The following DPP10 variants were observed in gnomAD, a reference collection of about 807,000 sequenced individuals.
DPP10 encodes the protein dipeptidyl peptidase like 10.
Under a neutral mutation model 120.9 loss-of-function variants are expected in DPP10, and 33 were observed. The ratio of observed to expected loss-of-function variants is 0.27; its 90% CI spans 0.21 to 0.37. DPP10 has a LOEUF of 0.37. Among genes scored for constraint, DPP10 ranks in the 10% least tolerant of loss-of-function variants. The pLI, the probability that DPP10 is intolerant of heterozygous loss-of-function variation, is 1.00. For synonymous variants in DPP10, 337 were observed against 326.1 expected (o/e 1.03, Z -0.36); for missense variants, 816 against 942.8 (o/e 0.87, Z 1.76).
At chr2:115,833,143 A>G (rs1689103066) in intron 21 of DPP10, among the ~76,000 whole-genome samples, 1 of 152,208 alleles carries the variant, frequency 6.6e-6, no homozygotes, top group African/African-American at 2.4e-5. Flanking sequence ...AAACTGAGAT[A>G]AATAAAATAA....
chr2:114,465,512 G>A (rs1448595370), intron 1 of DPP10, among the ~76,000 whole-genome samples: 1 of 152,046 alleles, frequency 6.6e-6, no homozygotes, highest in African/African-American at 2.4e-5. Flanking sequence ...AGCACTTCCT[G>A]ATATCTAGAT....
intron 5 of DPP10, among the ~76,000 whole-genome samples, chr2:115,580,673 C>A (rs1167059604): frequency 1.3e-5 from 2 of 152,074 alleles, no homozygotes; most frequent in Non-Finnish European, 2.9e-5. Context: ...TAAATGAATT[C>A]TTGCATTTTC....
chr2:114,943,241 A>G (rs1697096205), intron 1 of DPP10, among the ~76,000 whole-genome samples: 1 of 151,956 alleles, frequency 6.6e-6, no homozygotes, highest in African/African-American at 2.4e-5. Context: ...ATCCGTTTTT[A>G]TGTCTGCATG....
chr2:115,765,163 T>C (rs182491483), intron 12 of DPP10, among the ~76,000 whole-genome samples: 73 of 152,234 alleles, frequency 4.8e-4, no homozygotes, highest in Non-Finnish European at 4.1e-4. Flanking sequence ...CAGCAAGGCA[T>C]ATGAGATTGT....
intron 5 of DPP10, among the ~76,000 whole-genome samples, chr2:115,663,524 T>C (rs1043052246): frequency 2.0e-5 from 3 of 152,192 alleles, no homozygotes; most frequent in African/African-American, 7.2e-5. Context: ...CTTATGTCCA[T>C]AGGCGAACTG....
intron 1 of DPP10, among the ~76,000 whole-genome samples, chr2:114,982,529 A>C (rs1166112087): frequency 6.6e-6 from 1 of 152,226 alleles, no homozygotes; most frequent in Non-Finnish European, 1.5e-5. Flanking sequence ...CTTTAAAATT[A>C]ATGAAGCTTC....
At chr2:114,742,078 T>C (rs1404141985) in intron 1 of DPP10, among the ~76,000 whole-genome samples, 2 of 152,206 alleles carry the variant, frequency 1.3e-5, no homozygotes, top group Non-Finnish European at 2.9e-5. Flanking sequence ...GTATCTCTTC[T>C]TTACTGAGAA....
intron 1 of DPP10, among the ~76,000 whole-genome samples, chr2:115,250,759 T>C (rs1403336173): frequency 1.3e-5 from 2 of 152,198 alleles, no homozygotes; most frequent in Admixed American, 6.5e-5. Context: ...GGTTCCCACA[T>C]TGGCTTAGCA....
intron 5 of DPP10, among the ~76,000 whole-genome samples, chr2:115,552,507 CT>C (rs1487935163): frequency 6.6e-6 from 1 of 152,056 alleles, no homozygotes; most frequent in Non-Finnish European, 1.5e-5. Context: ...GCTGTTCATT[CT>C]GTAGGTTTTA....
chr2:114,689,971 C>T (rs150906230), intron 1 of DPP10, among the ~76,000 whole-genome samples: 30 of 151,604 alleles, frequency 2.0e-4, no homozygotes, highest in African/African-American at 7.0e-4. Context: ...ACCTTGTAGA[C>T]TCTGGATATT....
At chr2:115,378,994 G>T (rs548428888) in intron 3 of DPP10, among the ~76,000 whole-genome samples, 71 of 152,306 alleles carry the variant, frequency 4.7e-4, no homozygotes, top group African/African-American at 1.7e-3. Context: ...GTTCATCAAG[G>T]ATATTGGTCT....
intron 5 of DPP10, among the ~76,000 whole-genome samples, chr2:115,653,313 T>A (rs960936215): frequency 3.3e-5 from 5 of 151,862 alleles, no homozygotes; most frequent in African/African-American, 7.3e-5. Context: ...GAATAAAAAA[T>A]TATTCTTAGA....
chr2:114,923,472 CTTTTTTTTTTTT>C (rs71394115), intron 1 of DPP10, among the ~76,000 whole-genome samples: 2 of 69,420 alleles, frequency 2.9e-5, no homozygotes, highest in Non-Finnish European at 5.0e-5. Context: ...GCCTTTTTTC[CTTTTTTTTTTTT>C]TTTTTTTTTT....
intron 3 of DPP10, among the ~76,000 whole-genome samples, chr2:115,383,808 T>C (rs1050218384): frequency 1.3e-5 from 2 of 152,234 alleles, no homozygotes; most frequent in African/African-American, 2.4e-5. Context: ...TTACTCTTTC[T>C]TTCTTGTTCC....
intron 21 of DPP10, among the ~76,000 whole-genome samples, chr2:115,819,092 G>T (rs899138287): frequency 6.6e-6 from 1 of 152,046 alleles, no homozygotes; most frequent in Non-Finnish European, 1.5e-5. Flanking sequence ...TCATAAAACG[G>T]GTTGGAAAAC....
intron 1 of DPP10, among the ~76,000 whole-genome samples, chr2:114,658,865 C>T (rs561697462): frequency 3.9e-5 from 6 of 152,114 alleles, no homozygotes; most frequent in Non-Finnish European, 7.4e-5. Flanking sequence ...GTATCCCCAC[C>T]CAAATCTCAT....
At chr2:115,343,778 A>G (rs2063564627) in intron 2 of DPP10, 39 bp from the exon 3 acceptor site, 3 of 1,459,708 alleles carry the variant, frequency 2.1e-6, no homozygotes, top group Non-Finnish European at 2.8e-6. Flanking sequence ...AAAAACAAGC[A>G]TAAGATAGGC....
At chr2:114,802,579 G>C (rs1288964031) in intron 1 of DPP10, among the ~76,000 whole-genome samples, 1 of 152,160 alleles carries the variant, frequency 6.6e-6, no homozygotes, top group Non-Finnish European at 1.5e-5. Context: ...CGGGGCTGTT[G>C]AGTGTTGTGG....
intron 3 of DPP10, among the ~76,000 whole-genome samples, chr2:115,490,381 G>T (rs2076039097): frequency 6.6e-6 from 1 of 151,290 alleles, no homozygotes; most frequent in African/African-American, 2.4e-5. Flanking sequence ...AACAGCATGG[G>T]GGAAACCACC....
Sources: allele counts gnomAD v4.1 joint callset (sites outside exome capture counted in the v4.1 genomes callset), GRCh38; gene constraint gnomAD v4.1.1; transcripts MANE v1.5; gene names NCBI Gene and HGNC (gene_info 2026-07-23, HGNC 2026-07-21).